Variants in NHSL2 observed in about 807,000 individuals in gnomAD.
NHSL2 encodes NHS-like protein 2.
A neutral mutation model predicts 53.4 loss-of-function variants in NHSL2; 27 were observed. The ratio of observed to expected loss-of-function variants is 0.51; its 90% CI spans 0.37 to 0.70. NHSL2 has a LOEUF of 0.70. Ranked by LOEUF, NHSL2 falls within the 30% of genes least tolerant of loss-of-function variation. NHSL2 has a pLI of 0.00. For missense variants in NHSL2, 892 were observed against 980.1 expected (o/e 0.91, Z 1.20); for synonymous variants, 408 against 404.1 (o/e 1.01, Z -0.12).
intron 1 of NHSL2, among the ~76,000 whole-genome samples, chrX:72,019,202 C>T (rs1354841813): frequency 1.8e-5 from 2 of 112,388 alleles, no homozygotes; most frequent in Non-Finnish European, 3.8e-5. Flanking sequence ...TGCAGTGGAG[C>T]GCAGGAGAAA....
intron 1 of NHSL2, among the ~76,000 whole-genome samples, chrX:72,091,505 T>C (rs1172368168): frequency 1.8e-5 from 2 of 112,013 alleles, no homozygotes; most frequent in Non-Finnish European, 3.8e-5. Flanking sequence ...CCAAAGAAGT[T>C]GTTTCAGTTG....
intron 1 of NHSL2, among the ~76,000 whole-genome samples, chrX:72,048,110 A>T (rs984011171): frequency 9.3e-6 from 1 of 107,779 alleles, no homozygotes; most frequent in African/African-American, 3.4e-5. Flanking sequence ...AATAATAATA[A>T]TAAAGCAACA....
chrX:72,127,770 G>A (rs1164016827), intron 1 of NHSL2: 1 of 112,769 alleles, frequency 8.9e-6, no homozygotes, highest in Non-Finnish European at 1.9e-5. Flanking sequence ...GTGGGGATGG[G>A]GAAAACCAGA....
At chrX:72,059,525 T>C (rs1161435694) in intron 1 of NHSL2, among the ~76,000 whole-genome samples, 1 of 112,505 alleles carries the variant, frequency 8.9e-6, no homozygotes, top group Non-Finnish European at 1.9e-5. Context: ...CATACCTTTA[T>C]GCTGTTGCTC....
chrX:72,062,391 C>G (rs1047779393), intron 1 of NHSL2, among the ~76,000 whole-genome samples: 1 of 112,281 alleles, frequency 8.9e-6, no homozygotes, highest in African/African-American at 3.2e-5. Flanking sequence ...ATGGTTTATA[C>G]ATAAATATGT....
At chrX:71,975,424 C>A (rs902746327) in intron 1 of NHSL2, among the ~76,000 whole-genome samples, 4 of 111,556 alleles carry the variant, frequency 3.6e-5, no homozygotes, top group Admixed American at 9.6e-5. Context: ...CTTCTCCACA[C>A]CCCACACTTG....
intron 1 of NHSL2, among the ~76,000 whole-genome samples, chrX:72,076,882 A>G (rs998478825): frequency 3.6e-5 from 4 of 111,674 alleles, no homozygotes; most frequent in Admixed American, 1.9e-4. Flanking sequence ...CAGAGCACAG[A>G]CAGAGGGGTG....
In NHSL2 at chrX:72,134,101, G is replaced by A. The variant is rs777775730; in HGVS notation, c.447G>A (p.Glu149=). Residue 149 remains glutamate (E), a synonymous_variant, in exon 3 of 8, where the codon GAG becomes GAA. Coordinates refer to ENST00000633930, the MANE Select transcript of NHSL2 (RefSeq NM_001013627.3). ...TGTGCTATTTTTCAGAAGAATATGA[G>A]GAACAGTACTCGGAGGCCAGACTTG... ...NLQSLLQEEY[E]EQYSEARLVG... 4.1e-4 allele frequency: 474 copies of A among 1,166,133 alleles called. No homozygotes were observed. The highest frequency in any genetic ancestry group is 5.1e-4 in the Non-Finnish European group (442 of 872,267).
At chrX:71,991,848 C>CTCTCTCTCTCTCTCTG (rs776360819) in intron 1 of NHSL2, among the ~76,000 whole-genome samples, 6 of 108,805 alleles carry the variant, frequency 5.5e-5, no homozygotes, top group African/African-American at 1.7e-4. Context: ...CTCTCTCTCT[C>CTCTCTCTCTCTCTCTG]TCTGTCTTTG....
chrX:71,985,394 A>G (rs1303251551), intron 1 of NHSL2, among the ~76,000 whole-genome samples: 1 of 112,333 alleles, frequency 8.9e-6, no homozygotes, highest in African/African-American at 3.2e-5. Flanking sequence ...TCCTTAAAGG[A>G]AAGCACACCA....
intron 1 of NHSL2, among the ~76,000 whole-genome samples, chrX:72,011,100 A>G (rs2042113612): frequency 8.9e-6 from 1 of 112,324 alleles, no homozygotes; most frequent in Admixed American, 9.4e-5. Flanking sequence ...TGTTGCGTGT[A>G]TCAATAGTCT....
intron 1 of NHSL2, among the ~76,000 whole-genome samples, chrX:71,964,027 G>GTGTGTGTATA (rs1235148982): frequency 3.5e-4 from 5 of 14,185 alleles, no homozygotes; most frequent in Admixed American, 1.1e-3. Context: ...ATATATATGT[G>GTGTGTGTATA]TATATATATA....
At chrX:71,983,692 G>A (rs1402852123) in intron 1 of NHSL2, among the ~76,000 whole-genome samples, 1 of 111,797 alleles carries the variant, frequency 8.9e-6, no homozygotes, top group Non-Finnish European at 1.9e-5. Context: ...ACTTGAAAAA[G>A]TTATGGTTAT....
chrX:72,048,172 A>T, intron 1 of NHSL2, among the ~76,000 whole-genome samples: 1 of 110,598 alleles, frequency 9.0e-6, no homozygotes, highest in East Asian at 2.8e-4. Flanking sequence ...TATTGGATTA[A>T]CTCACTCAGT....
At chrX:71,929,238 T>G (rs73559821) in intron 1 of NHSL2, among the ~76,000 whole-genome samples, 2,063 of 112,422 alleles carry the variant, frequency 0.018, 32 homozygotes, top group African/African-American at 0.063. Context: ...TCAAAATACT[T>G]TTTAAATTGT....
At chrX:72,051,426 G>A (rs756579750) in intron 1 of NHSL2, among the ~76,000 whole-genome samples, 21 of 111,479 alleles carry the variant, frequency 1.9e-4, no homozygotes, top group Non-Finnish European at 2.8e-4. Flanking sequence ...TGGCTATACC[G>A]ATGCACAGTT....
intron 1 of NHSL2, among the ~76,000 whole-genome samples, chrX:71,920,113 G>A (rs184879107): frequency 1.8e-5 from 2 of 112,378 alleles, no homozygotes; most frequent in Admixed American, 1.9e-4. Context: ...TGGATATGAA[G>A]CGAGGAAAAC....
At chrX:71,990,091 C>G (rs1452877526) in intron 1 of NHSL2, among the ~76,000 whole-genome samples, 1 of 112,110 alleles carries the variant, frequency 8.9e-6, no homozygotes, top group East Asian at 2.8e-4. Flanking sequence ...GACTTTCCCA[C>G]AGAGCTGCTT....
chrX:72,053,227 A>G (rs1305155361), intron 1 of NHSL2, among the ~76,000 whole-genome samples: 1 of 111,616 alleles, frequency 9.0e-6, no homozygotes, highest in Non-Finnish European at 1.9e-5. Context: ...CGCGCACCCC[A>G]GGCTTCTCAG....
Sources: allele counts gnomAD v4.1 joint callset (sites outside exome capture counted in the v4.1 genomes callset), GRCh38; gene constraint gnomAD v4.1.1; transcripts MANE v1.5; gene names NCBI Gene and HGNC (gene_info 2026-07-23, HGNC 2026-07-21).